Variants in PPP4R3A observed in about 807,000 individuals in gnomAD.
PPP4R3A encodes the protein serine/threonine-protein phosphatase 4 regulatory subunit 3A.
PPP4R3A carries 15 observed loss-of-function variants against 91.7 expected under a neutral mutation model. The ratio of observed to expected loss-of-function variants is 0.16; its 90% CI spans 0.11 to 0.25. The LOEUF (loss-of-function observed/expected upper bound fraction) is 0.25. Among genes scored for constraint, PPP4R3A ranks in the 10% least tolerant of loss-of-function variants. The pLI, the probability that PPP4R3A is intolerant of heterozygous loss-of-function variation, is 1.00. For synonymous variants in PPP4R3A, 377 were observed against 348.7 expected, an observed-to-expected ratio of 1.08 and a Z score of -0.91; for missense variants, 623 against 998.4, an observed-to-expected ratio of 0.62 and a Z score of 5.07.
In PPP4R3A at chr14:91,489,980, A is replaced by G. The variant is rs147581320; in HGVS notation, c.198+767T>C. ...CTAACTTCTTTCTAGTATTTTAAAG[A>G]TCAATGATGAAGCAAAGCACTTTAT... On this transcript the variant is annotated intron_variant, in intron 2 of 14. Coordinates refer to ENST00000554943, the MANE Select transcript of PPP4R3A (RefSeq NM_001366432.2). 6.8e-4 allele frequency among the ~76,000 whole-genome samples: 103 copies of G among 152,266 alleles called. 2 individuals carry two copies. In the East Asian group the frequency reaches 0.018, roughly 27 times the overall value.
chr14:91,473,107 A>C lies in PPP4R3A; in HGVS notation c.1427T>G (p.Phe476Cys). The C allele has an allele frequency of 1.9e-6, 3 of 1,614,202 alleles. No homozygotes were observed. The highest frequency in any genetic ancestry group is 2.5e-6 in the Non-Finnish European group (3 of 1,180,034). Residue 476 changes from phenylalanine (F) to cysteine (C), a missense_variant, in exon 9 of 15, where the codon TTC becomes TGC. This residue lies in a region of PPP4R3A where 87 missense variants were observed against 233.9 expected (regional missense o/e 0.37). Coordinates refer to ENST00000554943, the MANE Select transcript of PPP4R3A (RefSeq NM_001366432.2). ...NKTEKTEFLG[F>C]FYKHCMHVLT... ...AACATGCATACAGTGCTTGTAGAAG[A>C]AACCCAGAAATTCAGTCTTTTCTGT...
At chr14:91,476,885 C>T in intron 5 of PPP4R3A, 24 bp downstream of exon 5, 1 of 1,561,134 alleles carries the variant, frequency 6.4e-7, no homozygotes, top group Non-Finnish European at 8.7e-7. Flanking sequence ...ATTTTTATGC[C>T]TTTCATAGTA....
Sources: gnomAD v4.1 joint callset for allele counts (sites outside exome capture counted in the v4.1 genomes callset) on GRCh38, gnomAD v4.1.1 for gene constraint, gnomAD v4.1.1 regional missense constraint, MANE v1.5 for transcripts, NCBI Gene and HGNC (gene_info 2026-07-23, HGNC 2026-07-21) for gene names.